The following SMOC1 variants were observed in gnomAD, a reference collection of about 807,000 sequenced individuals.
SMOC1 encodes SPARC related modular calcium binding 1, also known as SPARC-related modular calcium-binding protein 1.
SMOC1 carries 22 observed loss-of-function variants against 56.3 expected under a neutral mutation model. The observed-to-expected ratio is 0.39, with a 90% CI of 0.28 to 0.56. The LOEUF is 0.56. SMOC1 is among the 20% of genes least tolerant of loss of function. The pLI is 0.61. For synonymous variants in SMOC1, 193 were observed against 215.0 expected (o/e 0.90, Z 0.89); for missense variants, 509 against 565.4 (o/e 0.90, Z 1.01).
intron 1 of SMOC1, among the ~76,000 whole-genome samples, chr14:69,921,884 G>A (rs1481635296): frequency 2.0e-5 from 3 of 152,218 alleles, no homozygotes; most frequent in Non-Finnish European, 4.4e-5. Context: ...GGTACCCGAG[G>A]GAAGGGGCCC....
At chr14:70,022,627 G>T (rs777900625) in intron 10 of SMOC1, among the ~76,000 whole-genome samples, 1 of 152,228 alleles carries the variant, frequency 6.6e-6, no homozygotes, top group African/African-American at 2.4e-5. Flanking sequence ...GTGATGGACC[G>T]TGGGAACCTC....
intron 3 of SMOC1, among the ~76,000 whole-genome samples, chr14:69,961,044 C>T (rs1333294435): frequency 2.0e-5 from 3 of 151,882 alleles, no homozygotes; most frequent in Non-Finnish European, 2.9e-5. Context: ...AAATCTTGTA[C>T]GCATTAGCAT....
intron 1 of SMOC1, among the ~76,000 whole-genome samples, chr14:69,916,157 A>C (rs980125530): frequency 2.6e-5 from 4 of 152,060 alleles, no homozygotes; most frequent in Non-Finnish European, 2.9e-5. Context: ...CCATTCCTCA[A>C]CTCAATAAAT....
At chr14:69,896,506 A>G (rs1240364144) in intron 1 of SMOC1, among the ~76,000 whole-genome samples, 1 of 152,264 alleles carries the variant, frequency 6.6e-6, no homozygotes, top group Non-Finnish European at 1.5e-5. Context: ...AACTATTCAT[A>G]AAAATAATAG....
At chr14:70,009,956 A>G (rs1885274325) in intron 7 of SMOC1, among the ~76,000 whole-genome samples, 1 of 152,216 alleles carries the variant, frequency 6.6e-6, no homozygotes, top group Non-Finnish European at 1.5e-5. Flanking sequence ...TTTTCAGGTA[A>G]GTGGCTGTGC....
At chr14:69,961,270 GTGTATATATATATATATATATATATATA>G (rs1184119668) in intron 3 of SMOC1, among the ~76,000 whole-genome samples, 1 of 59,694 alleles carries the variant, frequency 1.7e-5, no homozygotes, top group African/African-American at 8.0e-5. Context: ...ATATTCTATT[GTGTATATATATATATATATATATATATA>G]TATATATATA....
At chr14:69,918,643 G>T (rs956079152) in intron 1 of SMOC1, among the ~76,000 whole-genome samples, 3 of 152,168 alleles carry the variant, frequency 2.0e-5, no homozygotes, top group Non-Finnish European at 4.4e-5. Flanking sequence ...GTGTGCCTTG[G>T]TTTCTTCATC....
At chr14:69,917,780 A>C (rs1162335375) in intron 1 of SMOC1, among the ~76,000 whole-genome samples, 1 of 152,246 alleles carries the variant, frequency 6.6e-6, no homozygotes, top group African/African-American at 2.4e-5. Flanking sequence ...GCAGCAGGCC[A>C]GTGATCTTTG....
Position 69,952,149 on chromosome 14 carries a change from T to A in SMOC1, c.111T>A (p.Ser37Arg). ...TTTTTCCAACCTAGTTTCTAATAAG[T>A]GACCGTGACCCACAGTGCAACCTCC... ...HRTTGPRFLI[S>R]DRDPQCNLHC... Residue 37 changes from serine (S) to arginine (R), a missense_variant, in exon 2 of 12, where the codon AGT becomes AGA. Physicochemically the swap from Ser to Arg is moderately radical, Grantham distance 110 (BLOSUM62 -1). Coordinates refer to ENST00000361956, the MANE Select transcript of SMOC1 (RefSeq NM_001034852.3). The A allele has an allele frequency of 6.2e-7, 1 of 1,614,158 alleles. No individual in the cohort carries two copies. Among genetic ancestry groups the A allele is most frequent in the Non-Finnish European group, 8.5e-7 (1 of 1,180,008 alleles).
At chr14:69,966,227 G>A (rs994343249) in intron 3 of SMOC1, among the ~76,000 whole-genome samples, 1 of 152,080 alleles carries the variant, frequency 6.6e-6, no homozygotes, top group South Asian at 2.1e-4. Context: ...AAAGGAACAA[G>A]AGGTATCATA....
At chr14:69,967,358 G>A (rs1199437217) in intron 3 of SMOC1, among the ~76,000 whole-genome samples, 1 of 152,220 alleles carries the variant, frequency 6.6e-6, no homozygotes, top group African/African-American at 2.4e-5. Context: ...TCAGGCTATG[G>A]CCTAGATTAA....
intron 10 of SMOC1, among the ~76,000 whole-genome samples, chr14:70,014,793 G>A (rs1226303712): frequency 6.6e-6 from 1 of 152,174 alleles, no homozygotes; most frequent in Non-Finnish European, 1.5e-5. Context: ...TAGTCCCCCG[G>A]CATCTGCCCA....
At chr14:69,908,298 AT>A (rs1884465172) in intron 1 of SMOC1, among the ~76,000 whole-genome samples, 1 of 152,242 alleles carries the variant, frequency 6.6e-6, no homozygotes, top group Non-Finnish European at 1.5e-5. Context: ...TAAAAGGAAC[AT>A]GTATTTCTTG....
Position 69,942,010 on chromosome 14 carries a change from G to C in SMOC1, c.100-10128G>C, listed in dbSNP as rs10133032. 6.0e-3 allele frequency among the ~76,000 whole-genome samples: 909 copies of C among 152,246 alleles called. 8 individuals carry two copies. Among genetic ancestry groups the C allele is most frequent in the Middle Eastern group, 0.017 (5 of 294 alleles). On this transcript the variant is annotated intron_variant, in intron 1 of 11. Transcript: ENST00000361956. The stretch of plus-strand genomic sequence containing the variant: ...GTGCTCAGTGAGTCTTTGCCAAATG[G>C]ATGGTTCTTTTTCCTTCCTCCCTGC...
intron 1 of SMOC1, among the ~76,000 whole-genome samples, chr14:69,888,739 T>G (rs1292027407): frequency 6.6e-6 from 1 of 152,210 alleles, no homozygotes. Flanking sequence ...GTGGTTTATT[T>G]TTAGAACTAG....
At position 69,879,658 on chromosome 14, in the gene SMOC1, C is replaced by T. The variant is rs1351327986; in HGVS notation, c.-21C>T. 2 of 1,483,328 alleles carry T rather than the reference C, an allele frequency of 1.3e-6. No individual in the cohort carries two copies. Among genetic ancestry groups the T allele is most frequent in the South Asian group, 2.6e-5 (2 of 77,906 alleles). 91.9% of individuals were successfully genotyped at this position (1,483,328 alleles called of 1,614,324 possible). ...GCCCGCGAACCCCGCTCGCTGCCGG[C>T]TGCCCAGCCTGGCTGGCACCATGCT... is the stretch of plus-strand genomic sequence containing the variant. On this transcript the variant is annotated 5_prime_UTR_variant, in exon 1 of 12. Coordinates refer to ENST00000361956, the MANE Select transcript of SMOC1 (RefSeq NM_001034852.3).
chr14:69,978,489 G>A (rs1412306937), intron 5 of SMOC1, among the ~76,000 whole-genome samples: 1 of 152,174 alleles, frequency 6.6e-6, no homozygotes, highest in East Asian at 1.9e-4. Flanking sequence ...GAATAATTCT[G>A]TCTTTGAGTC....
intron 1 of SMOC1, among the ~76,000 whole-genome samples, chr14:69,919,069 C>T (rs183928288): frequency 6.6e-6 from 1 of 152,124 alleles, no homozygotes; most frequent in Non-Finnish European, 1.5e-5. Flanking sequence ...AATGCACACA[C>T]TTGAGGTGGG....
At chr14:69,994,578 A>T in intron 7 of SMOC1, 98 bp downstream of exon 7, 1 of 953,798 alleles carries the variant, frequency 1.0e-6, no homozygotes, top group Non-Finnish European at 1.7e-6. Context: ...AAAATCATTT[A>T]ATCTGTCTGG....
Sources: gnomAD v4.1 joint callset for allele counts (sites outside exome capture counted in the v4.1 genomes callset) on GRCh38, gnomAD v4.1.1 for gene constraint, MANE v1.5 for transcripts, NCBI Gene and HGNC (gene_info 2026-07-23, HGNC 2026-07-21) for gene names.